The following PRRT1B variants were observed in gnomAD, a reference collection of about 807,000 sequenced individuals.
PRRT1B encodes the protein proline rich transmembrane protein 1B, also known as dispanin subfamily D member 2.
chr9:131,556,089 G>T (rs1023596698), exon 3 of PRRT1B: 1 of 401,032 alleles, frequency 2.5e-6, no homozygotes, highest in Non-Finnish European at 4.4e-6. Context: ...CCGATGGCTG[G>T]CGTGCCAGGC....
chr9:131,553,850 C>T (rs1951028038), intron 1 of PRRT1B, among the ~76,000 whole-genome samples: 1 of 152,190 alleles, frequency 6.6e-6, no homozygotes, highest in African/African-American at 2.4e-5. Flanking sequence ...GGTCGGGATG[C>T]TCTCAGGAGG....
chr9:131,550,894 C>T (rs970294089), intron 1 of PRRT1B, among the ~76,000 whole-genome samples: 9 of 150,204 alleles, frequency 6.0e-5, no homozygotes, highest in Admixed American at 2.7e-4. Context: ...TTCTCTTATT[C>T]GGACCTTGTG....
intron 1 of PRRT1B, among the ~76,000 whole-genome samples, chr9:131,548,446 C>T (rs888149430): frequency 2.6e-5 from 4 of 152,238 alleles, no homozygotes; most frequent in South Asian, 4.1e-4. Flanking sequence ...AATACAAACT[C>T]GACAGTGGTT....
At chr9:131,550,070 C>T (rs1951000564) in intron 1 of PRRT1B, among the ~76,000 whole-genome samples, 1 of 152,176 alleles carries the variant, frequency 6.6e-6, no homozygotes, top group Non-Finnish European at 1.5e-5. Flanking sequence ...TCCCATCCCA[C>T]AGCACGCTTT....
At chr9:131,554,048 C>G (rs1226806361) in intron 1 of PRRT1B, among the ~76,000 whole-genome samples, 1 of 152,108 alleles carries the variant, frequency 6.6e-6, no homozygotes, top group African/African-American at 2.4e-5. Context: ...CCTTAGTGAC[C>G]TCCTGGCTCC....
intron 1 of PRRT1B, among the ~76,000 whole-genome samples, chr9:131,546,183 G>A (rs1421476959): frequency 1.3e-5 from 2 of 152,080 alleles, no homozygotes; most frequent in Non-Finnish European, 2.9e-5. Flanking sequence ...CTTGCAGCAG[G>A]GGAGTGGGCG....
Position 131,553,538 on chromosome 9 carries a change from C to G in PRRT1B, c.26-1019C>G, listed in dbSNP as rs1306162115. On this transcript the variant is annotated intron_variant, in intron 1 of 3. Transcript: ENST00000636672. ...TTGAGGCAGGACACGCCCAGGGGCT[C>G]ATCATTCCCTGCCATTGGGATCACT... is the stretch of plus-strand genomic sequence containing the variant. Among the ~76,000 whole-genome samples the G allele has an allele frequency of 2.0e-5, 3 of 152,326 alleles. No individual in the cohort carries two copies. The South Asian group carries it at 6.2e-4, about 32-fold the overall frequency.
intron 1 of PRRT1B, among the ~76,000 whole-genome samples, chr9:131,549,185 G>A (rs1392800132): frequency 6.6e-6 from 1 of 152,184 alleles, no homozygotes; most frequent in Non-Finnish European, 1.5e-5. Context: ...TTGCCTTCAA[G>A]GTGTACAATA....
chr9:131,555,687 C>T (rs532140975), intron 2 of PRRT1B, among the ~76,000 whole-genome samples: 8 of 151,980 alleles, frequency 5.3e-5, no homozygotes, highest in Non-Finnish European at 7.4e-5. Context: ...AAAATAAAAA[C>T]AAAAATAAAA....
At chr9:131,550,728 GC>G (rs1446535014) in intron 1 of PRRT1B, among the ~76,000 whole-genome samples, 1 of 152,078 alleles carries the variant, frequency 6.6e-6, no homozygotes, top group African/African-American at 2.4e-5. Context: ...TGCAGCAGCT[GC>G]CGCTGCTTTA....
At chr9:131,546,519 C>G (rs949875917) in intron 1 of PRRT1B, among the ~76,000 whole-genome samples, 1 of 151,824 alleles carries the variant, frequency 6.6e-6, no homozygotes, top group Non-Finnish European at 1.5e-5. Context: ...GCACTCCCCG[C>G]CCCCTCATCC....
rs1035346904 is a variant in PRRT1B at position 131,553,783 on chromosome 9, C to T, written c.26-774C>T. ...ACGCAGGTCAGGGGAGGCCACTCTG[C>T]GATTCTCTTCCAGGGCCTTCCTTGT... On this transcript the variant is annotated intron_variant, in intron 1 of 3. Transcript: ENST00000636672. Among the ~76,000 whole-genome samples the T allele has an allele frequency of 7.9e-5, 12 of 152,228 alleles. No homozygotes were observed. In the East Asian group the frequency reaches 1.5e-3, roughly 20 times the overall value.
chr9:131,549,469 C>T (rs1253419474), intron 1 of PRRT1B, among the ~76,000 whole-genome samples: 1 of 152,208 alleles, frequency 6.6e-6, no homozygotes, highest in Non-Finnish European at 1.5e-5. Flanking sequence ...GTTCAACTCA[C>T]CTGGCAGCCA....
At chr9:131,554,999 G>C in exon 2 of PRRT1B, 1 of 393,476 alleles carries the variant, frequency 2.5e-6, no homozygotes, top group Non-Finnish European at 4.5e-6. Flanking sequence ...TCTTCTCGCC[G>C]CCCGCCGGGG....
At chr9:131,557,675 G>A (rs1390958223) in intron 3 of PRRT1B, among the ~76,000 whole-genome samples, 1 of 152,226 alleles carries the variant, frequency 6.6e-6, no homozygotes, top group East Asian at 1.9e-4. Context: ...ACTCAGAGGT[G>A]GGACTTGAGA....
At chr9:131,547,921 C>G (rs535138262) in intron 1 of PRRT1B, among the ~76,000 whole-genome samples, 1 of 152,292 alleles carries the variant, frequency 6.6e-6, no homozygotes, top group South Asian at 2.1e-4. Flanking sequence ...TGCGTTTTAT[C>G]TGTGGACCCA....
Position 131,546,213 on chromosome 9 carries a change from G to A in PRRT1B, c.25+573G>A, listed in dbSNP as rs1950973673. On this transcript the variant is annotated intron_variant, in intron 1 of 3. Transcript: ENST00000636672. ...TGGGCGACCCTGGCCAGGGCGGGGT[G>A]GAGACAGAGCCTGCAGTAGGGAGCA... Among the ~76,000 whole-genome samples, 8 of 152,290 alleles carry A rather than the reference G, an allele frequency of 5.3e-5. No homozygotes were observed. In the South Asian group the frequency reaches 1.5e-3, roughly 28 times the overall value.
At chr9:131,550,864 T>A (rs1951005443) in intron 1 of PRRT1B, among the ~76,000 whole-genome samples, 1 of 152,084 alleles carries the variant, frequency 6.6e-6, no homozygotes, top group Admixed American at 6.5e-5. Flanking sequence ...TTCTTAGTCA[T>A]TTAATACCTG....
intron 1 of PRRT1B, among the ~76,000 whole-genome samples, chr9:131,546,782 G>T (rs891052797): frequency 2.0e-5 from 3 of 152,174 alleles, no homozygotes; most frequent in Non-Finnish European, 2.9e-5. Context: ...AGCGCCGCCA[G>T]CAGATTTATT....
Sources: gnomAD v4.1 joint callset for allele counts (sites outside exome capture counted in the v4.1 genomes callset) on GRCh38, gnomAD v4.1.1 for gene constraint, MANE v1.5 for transcripts, NCBI Gene and HGNC (gene_info 2026-07-23, HGNC 2026-07-21) for gene names.